Variants in RBSN observed in about 807,000 individuals in gnomAD.
The protein encoded by RBSN is rabenosyn-5.
Under a neutral mutation model 60.5 loss-of-function variants are expected in RBSN, and 34 were observed. The observed-to-expected ratio is 0.56, with a 90% confidence interval of 0.43 to 0.75. The LOEUF is 0.75. Ranked by LOEUF, RBSN falls within the 30% of genes least tolerant of loss-of-function variation. The pLI, the probability that RBSN is intolerant of heterozygous loss-of-function variation, is 0.00. For missense variants in RBSN, 845 were observed against 986.8 expected (o/e 0.86, Z 1.92); for synonymous variants, 322 against 366.9 (o/e 0.88, Z 1.40).
intron 4 of RBSN, among the ~76,000 whole-genome samples, chr3:15,092,631 T>C (rs1287302): frequency 0.92 from 140,019 of 152,194 alleles, 64,632 homozygotes; most frequent in African/African-American, 0.98. Context: ...AGGCTGGTCT[T>C]AAACTCCTGG....
At chr3:15,079,915 G>T (rs749665602) in intron 10 of RBSN, among the ~76,000 whole-genome samples, 2 of 152,160 alleles carry the variant, frequency 1.3e-5, no homozygotes, top group Non-Finnish European at 1.5e-5. Flanking sequence ...AAGGGTAAAG[G>T]TTAGGGTGTG....
Position 15,074,442 on chromosome 3 carries a change from AGGCTCTCTGCTG to A in RBSN, c.1683_1694del (p.Ser562_Pro565del). 6.2e-7 allele frequency: 1 copy of A among 1,614,182 alleles called. No homozygotes were observed. The highest frequency in any genetic ancestry group is 8.5e-7 in the Non-Finnish European group (1 of 1,180,030). ...CCAAAGCATAAGCAAGGTGGGTGCG[AGGCTCTCTGCTG>A]GGCTCCAGCTGAAAAGGGCCGATTT... On this transcript the variant is annotated inframe_deletion, in exon 14 of 14. Transcript: ENST00000253699. The surrounding 1 kb of genome is among the most constrained non-coding windows in gnomAD (Gnocchi z 6.4).
chr3:15,081,022 G>GT (rs1034307326), intron 9 of RBSN: 3,996 of 481,996 alleles, frequency 8.3e-3, no homozygotes, highest in South Asian at 0.011. Flanking sequence ...GTTTCGTTTT[G>GT]TTTTTTTTTG....
intron 4 of RBSN, 142 bp downstream of exon 4, chr3:15,095,831 G>A (rs770622373): frequency 1.1e-5 from 12 of 1,069,804 alleles, no homozygotes; most frequent in East Asian, 7.4e-5. Context: ...CTCTGAAAAC[G>A]CCTGGCACAT....
In RBSN at chr3:15,084,651, G is replaced by T; in HGVS notation, c.598+84C>A. 6.8e-7 allele frequency: 1 copy of T among 1,468,688 alleles called. No homozygotes were observed. Among genetic ancestry groups the T allele is most frequent in the Non-Finnish European group, 9.1e-7 (1 of 1,095,002 alleles). The allele number at this position is 1,468,688 out of a possible 1,614,324, so 91.0% of individuals were successfully genotyped here. On this transcript the variant is annotated intron_variant, in intron 8 of 13. Transcript: ENST00000253699. The surrounding 1 kb of genome is among the most constrained non-coding windows in gnomAD (Gnocchi z 4.2). ...CATGAGCCATTAATTTAACAAAAAG[G>T]TTCCACGATCCCAGTGGTAATTAGC... is the stretch of plus-strand genomic sequence containing the variant.
In RBSN at chr3:15,085,004, A is replaced by C; in HGVS notation, c.432T>G (p.Ile144Met). The C allele has an allele frequency of 6.2e-7, 1 of 1,614,242 alleles. No homozygotes were observed. The highest frequency in any genetic ancestry group is 1.6e-4 in the Middle Eastern group (1 of 6,062). Reference sequence around the variant, plus strand: ...TGAGCAAAGTTTTAAAGTTACCTCGAATCTTTGCAGACTCAGTATTTGTTC... The same window carrying C: ...TGAGCAAAGTTTTAAAGTTACCTCGCATCTTTGCAGACTCAGTATTTGTTC... ...FDRTNTESAK[I>M]RAIEKSVVPW... is the part of the protein sequence containing the mutation. Residue 144 changes from isoleucine (I) to methionine (M), a missense_variant, in exon 7 of 14, where the codon ATT becomes ATG. Ile to Met is a conservative substitution (Grantham distance 10). Coordinates refer to ENST00000253699, the MANE Select transcript of RBSN (RefSeq NM_022340.4).
At chr3:15,096,869 C>G (rs1007922192) in intron 2 of RBSN, among the ~76,000 whole-genome samples, 159 bp from the exon 3 acceptor site, 5 of 151,998 alleles carry the variant, frequency 3.3e-5, no homozygotes, top group Non-Finnish European at 7.4e-5. Flanking sequence ...CTCTAATGGG[C>G]GTACTATATT....
At chr3:15,075,877 C>A (rs1219434454) in intron 12 of RBSN, among the ~76,000 whole-genome samples, 167 bp from the exon 13 acceptor site, 6 of 152,088 alleles carry the variant, frequency 3.9e-5, no homozygotes. Context: ...AGACAGTCAA[C>A]TCCAAATGGG....
At chr3:15,097,671 CAA>C (rs2043697732) in intron 2 of RBSN, among the ~76,000 whole-genome samples, 1 of 152,078 alleles carries the variant, frequency 6.6e-6, no homozygotes, top group Admixed American at 6.6e-5. Flanking sequence ...GAAATTGAGA[CAA>C]AACCATTCCA....
intron 8 of RBSN, among the ~76,000 whole-genome samples, chr3:15,083,251 C>A (rs918370493): frequency 2.6e-5 from 4 of 152,200 alleles, no homozygotes; most frequent in African/African-American, 9.7e-5. Context: ...TATAAAATCT[C>A]ATGTGAGACA....
At chr3:15,080,640 T>A (rs1182250738) in intron 10 of RBSN, 92 bp downstream of exon 10, 8 of 1,308,534 alleles carry the variant, frequency 6.1e-6, no homozygotes, top group Non-Finnish European at 8.6e-6. Context: ...ACGGTTGAAG[T>A]TAAGATTTTC....
rs2043241551 is a variant in RBSN, at chr3:15,082,891, C to G, written c.599-283G>C. The stretch of plus-strand genomic sequence containing the variant: ...ACAAACATTCTCCCAGGAGACTTTC[C>G]TCCACAGCCTTCTCCCTATTCCCAA... On this transcript the variant is annotated intron_variant, in intron 8 of 13. Transcript: ENST00000253699. This position sits in a 1 kb window ranked among gnomAD's most constrained non-coding sequence, Gnocchi z 4.2. Among the ~76,000 whole-genome samples the G allele has an allele frequency of 6.6e-6, 1 of 152,180 alleles. No homozygotes were observed. Among genetic ancestry groups the G allele is most frequent in the African/African-American group, 2.4e-5 (1 of 41,442 alleles).
chr3:15,084,832 C>T lies in RBSN; in HGVS notation c.501G>A (p.Gly167=). Residue 167 remains glycine, a synonymous_variant, in exon 8 of 14, where the codon GGG becomes GGA. Transcript: ENST00000253699. This position sits in a 1 kb window ranked among gnomAD's most constrained non-coding sequence, Gnocchi z 4.2. The part of the protein sequence containing the change: ...DQDVPFCPDC[G]NKFSIRNRRH... Reference sequence around the variant, plus strand: ...GGCGGTTCCGGATGCTGAACTTATTCCCACAGTCTGGACAGAAAGGGACAT... The same window carrying T: ...GGCGGTTCCGGATGCTGAACTTATTTCCACAGTCTGGACAGAAAGGGACAT... 1 of 1,614,208 alleles carries T rather than the reference C, an allele frequency of 6.2e-7. No individual in the cohort carries two copies. Among genetic ancestry groups the T allele is most frequent in the Non-Finnish European group, 8.5e-7 (1 of 1,180,042 alleles).
At position 15,073,747 on chromosome 3, in the gene RBSN, A is replaced by AC. The variant is rs1354321989; in HGVS notation, c.*34dup. ...GTCCTGCTCCACTGGCTCCTGCCAGACCCCTGGGCCCAAAGGTGCCCTCTC... is the reference window on the plus strand; with the variant it reads ...GTCCTGCTCCACTGGCTCCTGCCAGACCCCCTGGGCCCAAAGGTGCCCTCTC... On this transcript the variant is annotated 3_prime_UTR_variant, in exon 14 of 14. Transcript: ENST00000253699. 1 of 1,561,858 alleles carries AC rather than the reference A, an allele frequency of 6.4e-7. No homozygotes were observed. The highest frequency in any genetic ancestry group is 1.4e-5 in the African/African-American group (1 of 73,552).
chr3:15,096,418 C>G (rs532649195), intron 3 of RBSN, 117 bp downstream of exon 3: 14 of 268,574 alleles, frequency 5.2e-5, no homozygotes, highest in African/African-American at 2.9e-4. Flanking sequence ...AGAAAACAAA[C>G]TCTTTCTCAA....
In RBSN at chr3:15,082,814, C is replaced by A. The variant is rs1431281797; in HGVS notation, c.599-206G>T. 6.6e-6 allele frequency among the ~76,000 whole-genome samples: 1 copy of A among 152,186 alleles called. No individual in the cohort carries two copies. The highest frequency in any genetic ancestry group is 2.4e-5 in the African/African-American group (1 of 41,438). On this transcript the variant is annotated intron_variant, in intron 8 of 13. Coordinates refer to ENST00000253699, the MANE Select transcript of RBSN (RefSeq NM_022340.4). The surrounding 1 kb of genome is among the most constrained non-coding windows in gnomAD (Gnocchi z 4.2). ...CTGCTGCCCCTCCAAATCCAAACAGCCTTCCCTTTCCACCTGCCACTCTCC... is the reference window on the plus strand; with the variant it reads ...CTGCTGCCCCTCCAAATCCAAACAGACTTCCCTTTCCACCTGCCACTCTCC...
At chr3:15,093,991 C>T (rs2043584605) in intron 4 of RBSN, among the ~76,000 whole-genome samples, 1 of 152,214 alleles carries the variant, frequency 6.6e-6, no homozygotes, top group Non-Finnish European at 1.5e-5. Context: ...AGATGTGAGC[C>T]ACTGTGCCCA....
Position 15,096,286 on chromosome 3 carries a change from G to A in RBSN, c.-166C>T. On this transcript the variant is annotated splice_region_variant and 5_prime_UTR_variant, in exon 4 of 14. Coordinates refer to ENST00000253699, the MANE Select transcript of RBSN (RefSeq NM_022340.4). Reference sequence around the variant, plus strand: ...AGGTTTCCTCTCTGGAGTAGGAGGAGCCCTAAGAAAGAAAAGAAGAAGGGA... The same window carrying A: ...AGGTTTCCTCTCTGGAGTAGGAGGAACCCTAAGAAAGAAAAGAAGAAGGGA... The A allele has an allele frequency of 1.6e-6, 1 of 631,652 alleles. No homozygotes were observed. Among genetic ancestry groups the A allele is most frequent in the Non-Finnish European group, 2.4e-6 (1 of 418,922 alleles). The allele number at this position is 631,652 out of a possible 1,614,324, so 39.1% of individuals were successfully genotyped here.
chr3:15,074,864 C>G lies in RBSN; in HGVS notation c.1273G>C (p.Gly425Arg). Residue 425 changes from glycine (G) to arginine (R), a missense_variant, in exon 14 of 14, where the codon GGG (glycine) becomes CGG (arginine). Transcript: ENST00000253699. The surrounding 1 kb of genome is among the most constrained non-coding windows in gnomAD (Gnocchi z 6.4). The stretch of plus-strand genomic sequence containing the variant: ...CCCCTGCGGAGAGATGCCACCTCCC[C>G]GTTGGCCGCTCGAGAAGCCAGGCCA... Reference protein sequence around the residue: ...QSGLASRAANGEVASLRRGPA... With the variant: ...QSGLASRAANREVASLRRGPA... 1 of 1,614,116 alleles carries G rather than the reference C, an allele frequency of 6.2e-7. No individual in the cohort carries two copies. Among genetic ancestry groups the G allele is most frequent in the Non-Finnish European group, 8.5e-7 (1 of 1,180,020 alleles).
Sources: gnomAD v4.1 joint callset for allele counts (sites outside exome capture counted in the v4.1 genomes callset) on GRCh38, gnomAD v4.1.1 for gene constraint, Gnocchi (gnomAD v3.1) non-coding constraint, MANE v1.5 for transcripts, NCBI Gene and HGNC (gene_info 2026-07-23, HGNC 2026-07-21) for gene names.